Variants in KLHL23 observed in about 807,000 individuals in gnomAD.
KLHL23 encodes kelch like family member 23, also known as kelch-like protein 23.
Under a neutral mutation model 48.9 loss-of-function variants are expected in KLHL23, and 33 were observed. The observed-to-expected ratio is 0.67, with a 90% confidence interval of 0.51 to 0.90. The LOEUF is 0.90. Among genes scored for constraint, KLHL23 ranks in the 40% least tolerant of loss-of-function variants. The pLI, the probability that KLHL23 is intolerant of heterozygous loss-of-function variation, is 0.00. For missense variants in KLHL23, 608 were observed against 669.6 expected (o/e 0.91, Z 1.02); for synonymous variants, 234 against 231.6 (o/e 1.01, Z -0.09).
At chr2:169,747,952 C>T (rs1187605215) in intron 3 of KLHL23, among the ~76,000 whole-genome samples, 1 of 152,022 alleles carries the variant, frequency 6.6e-6, no homozygotes, top group Non-Finnish European at 1.5e-5. Flanking sequence ...AAGGGAGACC[C>T]CATCTCTACA....
chr2:169,735,900 A>G lies in KLHL23; in HGVS notation c.886A>G (p.Thr296Ala). ...LSEVHIWDPLTNVWIQGAEIP... is the reference protein window; with the variant it reads ...LSEVHIWDPLANVWIQGAEIP... ...AGAGGTTCACATATGGGATCCTTTG[A>G]CAAATGTTTGGATTCAGGGAGCAGA... The change falls in exon 2 of 4, where the codon ACA becomes GCA. Residue 296 changes from threonine (T) to alanine (A), a missense_variant. This residue lies in a region of KLHL23 where 419 missense variants were observed against 473.1 expected (regional missense o/e 0.89). Coordinates refer to ENST00000392647, the MANE Select transcript of KLHL23 (RefSeq NM_144711.6). This position sits in a 1 kb window ranked among gnomAD's most constrained non-coding sequence, Gnocchi z 4.5. The G allele has an allele frequency of 6.2e-7, 1 of 1,614,160 alleles. No homozygotes were observed. The highest frequency in any genetic ancestry group is 8.5e-7 in the Non-Finnish European group (1 of 1,180,042).
chr2:169,743,662 G>C (rs1688726447), intron 3 of KLHL23, among the ~76,000 whole-genome samples: 2 of 152,174 alleles, frequency 1.3e-5, no homozygotes, highest in Non-Finnish European at 2.9e-5. Flanking sequence ...TTCCTTCTAG[G>C]CAGCAGTCAC....
In KLHL23 at chr2:169,749,843, G is replaced by A. The variant is rs1191832513; in HGVS notation, c.*111G>A. On this transcript the variant is annotated 3_prime_UTR_variant, in exon 4 of 4. Transcript: ENST00000392647. ...GATAATTGTGTCTGGCACATGATAGGGGATCAGTAAATTGTAATTCCTAAC... is the reference window on the plus strand; with the variant it reads ...GATAATTGTGTCTGGCACATGATAGAGGATCAGTAAATTGTAATTCCTAAC... The A allele has an allele frequency of 1.3e-5, 17 of 1,329,554 alleles. No individual in the cohort carries two copies. In the South Asian group the frequency reaches 2.7e-4, roughly 21 times the overall value. 82.4% of individuals were successfully genotyped at this position (1,329,554 alleles called of 1,614,324 possible).
At position 169,733,908 on chromosome 2, in the gene KLHL23, T is replaced by C. The variant is rs1688445342; in HGVS notation, c.-182T>C. ...GCGCCCAGACCGTGCGGGGGGCTGTTCGGGTGGAGGCGGGGGAGCCGCCGG... is the reference window on the plus strand; with the variant it reads ...GCGCCCAGACCGTGCGGGGGGCTGTCCGGGTGGAGGCGGGGGAGCCGCCGG... On this transcript the variant is annotated 5_prime_UTR_variant, in exon 1 of 4. Coordinates refer to ENST00000392647, the MANE Select transcript of KLHL23 (RefSeq NM_144711.6). 6.6e-6 allele frequency: 1 copy of C among 151,994 alleles called. No individual in the cohort carries two copies. The highest frequency in any genetic ancestry group is 6.6e-5 in the Admixed American group (1 of 15,258). 9.4% of individuals were successfully genotyped at this position (151,994 alleles called of 1,614,324 possible). A position where few individuals can be genotyped will look rare whatever the true frequency, so the allele number is the denominator to read the frequency against.
In KLHL23 at chr2:169,736,244, T is replaced by C. The variant is rs1321653018; in HGVS notation, c.1213+17T>C. On this transcript the variant is annotated intron_variant, in intron 2 of 3. Coordinates refer to ENST00000392647, the MANE Select transcript of KLHL23 (RefSeq NM_144711.6). ...TGATTAAAGGTAAGTGGAGATTATG[T>C]TTATTTTGTATTTTTTAGATGTCTG... 2.5e-6 allele frequency: 4 copies of C among 1,577,230 alleles called. No individual in the cohort carries two copies. Among genetic ancestry groups the C allele is most frequent in the Non-Finnish European group, 3.4e-6 (4 of 1,164,274 alleles).
chr2:169,743,767 C>T (rs1443294128), intron 3 of KLHL23, among the ~76,000 whole-genome samples: 2 of 152,218 alleles, frequency 1.3e-5, no homozygotes, highest in Non-Finnish European at 2.9e-5. Flanking sequence ...ACCTAGGGGG[C>T]CTGTGCCGTT....
intron 2 of KLHL23, among the ~76,000 whole-genome samples, chr2:169,739,632 T>C (rs981073965): frequency 1.3e-5 from 2 of 152,228 alleles, no homozygotes; most frequent in African/African-American, 2.4e-5. Flanking sequence ...TGCAGTGTTT[T>C]CTTGCCCTGA....
intron 2 of KLHL23, among the ~76,000 whole-genome samples, chr2:169,738,463 C>T (rs72891408): frequency 0.26 from 39,588 of 151,772 alleles, 5,462 homozygotes; most frequent in African/African-American, 0.32. Flanking sequence ...TTTTTCAATT[C>T]GTTTTATTTT....
At position 169,749,774 on chromosome 2, in the gene KLHL23, A is replaced by G. The variant is rs112502774; in HGVS notation, c.*42A>G. The G allele has an allele frequency of 5.9e-6, 9 of 1,532,944 alleles. No individual in the cohort carries two copies. The highest frequency in any genetic ancestry group is 7.9e-6 in the Non-Finnish European group (9 of 1,138,058). 95.0% of individuals were successfully genotyped at this position (1,532,944 alleles called of 1,614,324 possible). A position where few individuals can be genotyped will look rare whatever the true frequency, so the allele number is the denominator to read the frequency against. ...GACCAAGCAATCACTTTTTTGGAGTATAGTTTTATAAAAAAAGAATGCAGG... is the reference window on the plus strand; with the variant it reads ...GACCAAGCAATCACTTTTTTGGAGTGTAGTTTTATAAAAAAAGAATGCAGG... On this transcript the variant is annotated 3_prime_UTR_variant, in exon 4 of 4. Coordinates refer to ENST00000392647, the MANE Select transcript of KLHL23 (RefSeq NM_144711.6).
intron 3 of KLHL23, among the ~76,000 whole-genome samples, chr2:169,746,559 A>G (rs139930865): frequency 2.6e-5 from 4 of 152,350 alleles, no homozygotes; most frequent in Admixed American, 2.6e-4. Flanking sequence ...GAGCACAGTG[A>G]GCAAGGCACA....
At chr2:169,747,389 TA>T (rs10690582) in intron 3 of KLHL23, among the ~76,000 whole-genome samples, 1,071 of 69,214 alleles carry the variant, frequency 0.015, 27 homozygotes, top group African/African-American at 0.051. Context: ...ACTCTGTCTC[TA>T]AAAAAAAAAA....
At chr2:169,734,177 GGGCCGGGCGCGGGCAGCGA>G (rs1314913400) in intron 1 of KLHL23, 90 bp downstream of exon 1, 1 of 147,224 alleles carries the variant, frequency 6.8e-6, no homozygotes, top group East Asian at 2.0e-4. Flanking sequence ...GCGGGCAGCG[GGGCCGGGCGCGGGCAGCGA>G]GGCCGCGCGG....
At chr2:169,738,278 TA>T (rs1427610526) in intron 2 of KLHL23, among the ~76,000 whole-genome samples, 2 of 138,556 alleles carry the variant, frequency 1.4e-5, no homozygotes, top group Non-Finnish European at 3.2e-5. Flanking sequence ...TTTTAATTTT[TA>T]AAACTAGAAA....
intron 2 of KLHL23, among the ~76,000 whole-genome samples, chr2:169,738,309 G>A (rs1232544171): frequency 6.6e-6 from 1 of 151,740 alleles, no homozygotes. Context: ...GTCTCACTAT[G>A]TTGCCCAGGC....
At chr2:169,744,027 A>G (rs11693875) in intron 3 of KLHL23, among the ~76,000 whole-genome samples, 19,074 of 152,134 alleles carry the variant, frequency 0.13, 1,520 homozygotes, top group Non-Finnish European at 0.18. Flanking sequence ...AACCCCTTTA[A>G]TGGGGTAGTT....
chr2:169,738,222 G>C (rs536401006), intron 2 of KLHL23, among the ~76,000 whole-genome samples: 1 of 151,888 alleles, frequency 6.6e-6, no homozygotes, highest in South Asian at 2.1e-4. Flanking sequence ...TGTTTTGGTG[G>C]GTGGACTCAT....
intron 3 of KLHL23, among the ~76,000 whole-genome samples, chr2:169,747,076 T>C (rs41437345): frequency 0.042 from 6,461 of 152,180 alleles, 395 homozygotes; most frequent in East Asian, 0.32. Flanking sequence ...TTCTAAGACT[T>C]TCCTTAGCTG....
chr2:169,746,776 G>A (rs1688801092), intron 3 of KLHL23, among the ~76,000 whole-genome samples: 1 of 152,202 alleles, frequency 6.6e-6, no homozygotes, highest in African/African-American at 2.4e-5. Flanking sequence ...AAAAATTGGG[G>A]TGTTTTGATA....
rs551495486 is a variant in KLHL23, at chr2:169,749,913, T to G, written c.*181T>G. On this transcript the variant is annotated 3_prime_UTR_variant, in exon 4 of 4. Coordinates refer to ENST00000392647, the MANE Select transcript of KLHL23 (RefSeq NM_144711.6). ...TGGTGATTCATGGTCAAGAAAAATCTTATATATATATATATATACACACAC... is the reference window on the plus strand; with the variant it reads ...TGGTGATTCATGGTCAAGAAAAATCGTATATATATATATATATACACACAC... 1.4e-4 allele frequency: 30 copies of G among 218,900 alleles called. 2 individuals carry two copies. Among genetic ancestry groups the G allele is most frequent in the African/African-American group, 1.1e-3 (26 of 22,812 alleles). 13.6% of individuals were successfully genotyped at this position (218,900 alleles called of 1,614,324 possible).
Sources: gnomAD v4.1 joint callset for allele counts (sites outside exome capture counted in the v4.1 genomes callset) on GRCh38, gnomAD v4.1.1 for gene constraint, gnomAD v4.1.1 regional missense constraint, Gnocchi (gnomAD v3.1) non-coding constraint, MANE v1.5 for transcripts, NCBI Gene and HGNC (gene_info 2026-07-23, HGNC 2026-07-21) for gene names.